ZFPM1: variants seen among roughly 807,000 people sequenced by gnomAD.
ZFPM1 encodes zinc finger protein, FOG family member 1.
A neutral mutation model predicts 46.3 loss-of-function variants in ZFPM1; 28 were observed. The ratio of observed to expected loss-of-function variants is 0.60; its 90% CI spans 0.45 to 0.83. The LOEUF (loss-of-function observed/expected upper bound fraction) is 0.83, where lower values mean the gene tolerates loss of function less well. Ranked by LOEUF, ZFPM1 falls within the 40% of genes least tolerant of loss-of-function variation. The pLI is 0.00. For missense variants in ZFPM1, 1,878 were observed against 1,432.4 expected, an observed-to-expected ratio of 1.31 and a Z score of -5.02; for synonymous variants, 957 against 675.9, an observed-to-expected ratio of 1.42 and a Z score of -6.45.
intron 4 of ZFPM1, among the ~76,000 whole-genome samples, chr16:88,515,282 A>G (rs12444980): frequency 0.11 from 17,024 of 152,198 alleles, 1,626 homozygotes; most frequent in African/African-American, 0.26. Context: ...GGGCAGACGC[A>G]TGTCCCAGGC....
chr16:88,500,719 G>A (rs926138698), intron 3 of ZFPM1, among the ~76,000 whole-genome samples: 2 of 152,164 alleles, frequency 1.3e-5, no homozygotes, highest in African/African-American at 2.4e-5. Context: ...CCTGTTCTGG[G>A]CTCAGGGTCC....
intron 4 of ZFPM1, among the ~76,000 whole-genome samples, chr16:88,518,672 A>AGTGG (rs1345670699): frequency 4.6e-5 from 6 of 130,008 alleles, no homozygotes; most frequent in African/African-American, 1.8e-4. Context: ...TGGATGGATG[A>AGTGG]GTGGGTGGGT....
rs1268686461 is a variant in ZFPM1 at position 88,532,184 on chromosome 16, A to G, written c.895A>G (p.Lys299Glu). 6.2e-7 allele frequency: 1 copy of G among 1,611,204 alleles called. No individual in the cohort carries two copies. Among genetic ancestry groups the G allele is most frequent in the Admixed American group, 1.7e-5 (1 of 59,924 alleles). The change falls in exon 7 of 10, where the codon AAG becomes GAG. Residue 299 changes from lysine to glutamate, a missense_variant. Lys to Glu is a moderately conservative substitution (Grantham distance 56). Transcript: ENST00000319555. ...ERVCPFPQCR[K>E]SCPSASSLEI... ...CGTCTGCCCCTTCCCCCAGTGCCGC[A>G]AGAGCTGCCCCAGCGCCAGCTCCCT... is the stretch of plus-strand genomic sequence containing the variant.
chr16:88,533,427 C>T lies in ZFPM1; in HGVS notation c.1469C>T (p.Pro490Leu), dbSNP rs1456201080. The stretch of plus-strand genomic sequence containing the variant: ...GGGCCCCAGGCCCCGTCGCGGACGC[C>T]GTCGCCGCGCAGCCCCGCCCCGGCC... The part of the protein sequence containing the change: ...EPGPQAPSRT[P>L]SPRSPAPARV... The change falls in exon 10 of 10, where the codon CCG (proline) becomes CTG (leucine). Residue 490 changes from proline to leucine, a missense_variant. Pro to Leu is a moderately conservative substitution (Grantham distance 98). Coordinates refer to ENST00000319555, the MANE Select transcript of ZFPM1 (RefSeq NM_153813.3). The T allele has an allele frequency of 1.0e-5, 15 of 1,471,084 alleles. No individual in the cohort carries two copies. The allele number at this position is 1,471,084 out of a possible 1,614,324, so 91.1% of individuals were successfully genotyped here.
At chr16:88,524,047 C>A (rs763403094) in intron 4 of ZFPM1, among the ~76,000 whole-genome samples, 1 of 152,230 alleles carries the variant, frequency 6.6e-6, no homozygotes, top group Non-Finnish European at 1.5e-5. Flanking sequence ...GAGTGATAAG[C>A]ATTAAACCGG....
chr16:88,527,888 C>G, intron 5 of ZFPM1, 144 bp from the exon 6 acceptor site: 1 of 767,858 alleles, frequency 1.3e-6, no homozygotes, highest in East Asian at 3.0e-5. Flanking sequence ...CCTTGCCCCC[C>G]AGGCAGGATG....
chr16:88,534,124 AC>A lies in ZFPM1; in HGVS notation c.2171del (p.Pro724LeufsTer74). On this transcript the variant is annotated frameshift_variant, in exon 10 of 10. Transcript: ENST00000319555. LOFTEE classifies it low-confidence loss of function (END_TRUNC). ...CGCGCCGACCGGCCGCGCCCCCGGG[AC>A]CCCCTGGGCCGGCCGCGCCCCCGGC... ...PPRRPAAPPG[P>X]PGPAAPPAPS... is the part of the protein sequence containing the mutation. 6.4e-6 allele frequency: 7 copies of A among 1,088,650 alleles called. No individual in the cohort carries two copies. Among genetic ancestry groups the A allele is most frequent in the Non-Finnish European group, 6.8e-6 (6 of 882,240 alleles). The allele number at this position is 1,088,650 out of a possible 1,614,324, so 67.4% of individuals were successfully genotyped here.
Position 88,453,582 on chromosome 16 carries a change from G to T in ZFPM1, c.-57G>T. On this transcript the variant is annotated 5_prime_UTR_variant, in exon 1 of 10. Coordinates refer to ENST00000319555, the MANE Select transcript of ZFPM1 (RefSeq NM_153813.3). The stretch of plus-strand genomic sequence containing the variant: ...CGGCCCCGCCGCGCCCCCGCCGCCC[G>T]CCGCCGCCCGCCCGGGGCTAGAGGC... The T allele has an allele frequency of 2.3e-5, 22 of 955,736 alleles. No homozygotes were observed. The highest frequency in any genetic ancestry group is 2.7e-5 in the Non-Finnish European group (22 of 805,208). 59.2% of individuals were successfully genotyped at this position (955,736 alleles called of 1,614,324 possible).
intron 4 of ZFPM1, chr16:88,522,153 C>T (rs1911949161): frequency 6.6e-6 from 1 of 152,654 alleles, no homozygotes; most frequent in Admixed American, 6.5e-5. Flanking sequence ...AGTGTGTGAC[C>T]CAGTGGATGA....
intron 3 of ZFPM1, among the ~76,000 whole-genome samples, chr16:88,504,576 C>T (rs913692442): frequency 5.9e-5 from 9 of 152,148 alleles, no homozygotes; most frequent in African/African-American, 2.2e-4. Flanking sequence ...GCAGAGACAC[C>T]GCCCAGGGTG....
rs1208643693 is a variant in ZFPM1 at position 88,536,302 on chromosome 16, G to C, written c.*1323G>C. ...TCTTCCTGCCTCAGCCTCCCAAGTA[G>C]CTGGGACTACAGGCTTGACCCACCA... is the stretch of plus-strand genomic sequence containing the variant. On this transcript the variant is annotated 3_prime_UTR_variant, in exon 10 of 10. Coordinates refer to ENST00000319555, the MANE Select transcript of ZFPM1 (RefSeq NM_153813.3). 6.6e-6 allele frequency: 1 copy of C among 152,118 alleles called. No homozygotes were observed. The highest frequency in any genetic ancestry group is 1.5e-5 in the Non-Finnish European group (1 of 68,020). The allele number at this position is 152,118 out of a possible 1,614,324, so 9.4% of individuals were successfully genotyped here. A position where few individuals can be genotyped will look rare whatever the true frequency, so the allele number is the denominator to read the frequency against.
At chr16:88,493,898 G>A (rs375087731) in intron 3 of ZFPM1, among the ~76,000 whole-genome samples, 7 of 152,164 alleles carry the variant, frequency 4.6e-5, no homozygotes, top group African/African-American at 1.4e-4. Context: ...CGAGCGCCAC[G>A]GCTTCAAAGG....
intron 3 of ZFPM1, among the ~76,000 whole-genome samples, chr16:88,495,068 C>G (rs1162352441): frequency 1.3e-5 from 2 of 152,224 alleles, no homozygotes; most frequent in Admixed American, 6.5e-5. Flanking sequence ...GCAGGCCCGT[C>G]CCATCGTGGG....
At position 88,462,842 on chromosome 16, in the gene ZFPM1, T is replaced by C. The variant is rs558796152; in HGVS notation, c.40+9164T>C. Reference sequence around the variant, plus strand: ...ACCCTGAGCCTCAGTTTCCCCACTATAAAATGGAGCAGTGATGCTCACCTC... The same window carrying C: ...ACCCTGAGCCTCAGTTTCCCCACTACAAAATGGAGCAGTGATGCTCACCTC... On this transcript the variant is annotated intron_variant, in intron 1 of 9. Coordinates refer to ENST00000319555, the MANE Select transcript of ZFPM1 (RefSeq NM_153813.3). 8.1e-4 allele frequency among the ~76,000 whole-genome samples: 115 copies of C among 142,556 alleles called. 1 individual carries two copies. The highest frequency in any genetic ancestry group is 2.4e-3 in the African/African-American group (97 of 40,664). The allele number at this position is 142,556 out of a possible 152,430, so 93.5% of individuals were successfully genotyped here.
chr16:88,459,345 A>G (rs1164346810), intron 1 of ZFPM1, among the ~76,000 whole-genome samples: 2 of 152,050 alleles, frequency 1.3e-5, no homozygotes, highest in Non-Finnish European at 2.9e-5. Context: ...GTCTGCTCAC[A>G]CCACAGCTCT....
intron 6 of ZFPM1, among the ~76,000 whole-genome samples, chr16:88,531,599 A>C (rs910948144): frequency 6.6e-6 from 1 of 152,102 alleles, no homozygotes; most frequent in African/African-American, 2.4e-5. Flanking sequence ...ACCTGCACGC[A>C]CATCTGTACA....
At chr16:88,483,098 C>T (rs766954460) in intron 1 of ZFPM1, among the ~76,000 whole-genome samples, 13 of 152,122 alleles carry the variant, frequency 8.5e-5, no homozygotes, top group Non-Finnish European at 1.5e-4. Context: ...TGTGAGCCCT[C>T]GCCTGGGGCT....
At chr16:88,492,194 TCTC>T (rs1909620829) in intron 3 of ZFPM1, among the ~76,000 whole-genome samples, 1 of 151,840 alleles carries the variant, frequency 6.6e-6, no homozygotes, top group Admixed American at 6.6e-5. Flanking sequence ...TTTCTCTCTC[TCTC>T]TCTCTGTCTC....
intron 1 of ZFPM1, among the ~76,000 whole-genome samples, chr16:88,462,013 G>T (rs112473512): frequency 0.04 from 6,043 of 152,306 alleles, 405 homozygotes; most frequent in African/African-American, 0.14. Context: ...TGCATCGGCC[G>T]GCGGCCTCCC....
Sources: gnomAD v4.1 joint callset for allele counts (sites outside exome capture counted in the v4.1 genomes callset) on GRCh38, gnomAD v4.1.1 for gene constraint, MANE v1.5 for transcripts, NCBI Gene and HGNC (gene_info 2026-07-23, HGNC 2026-07-21) for gene names.